LINGO1: variants seen among roughly 807,000 people sequenced by gnomAD.
LINGO1 encodes the protein leucine-rich repeat and immunoglobulin-like domain-containing nogo receptor-interacting protein 1.
A neutral mutation model predicts 37.3 loss-of-function variants in LINGO1; 11 were observed. The ratio of observed to expected loss-of-function variants is 0.29; its 90% CI spans 0.19 to 0.49. LINGO1 has a LOEUF of 0.49. Ranked by LOEUF, LINGO1 falls within the 20% of genes least tolerant of loss-of-function variation. LINGO1 has a pLI of 0.99. For synonymous variants in LINGO1, 387 were observed against 403.0 expected, an observed-to-expected ratio of 0.96 and a Z score of 0.48; for missense variants, 585 against 878.2, an observed-to-expected ratio of 0.67 and a Z score of 4.22.
intron 2 of LINGO1, among the ~76,000 whole-genome samples, chr15:77,704,900 C>T (rs996747812): frequency 6.6e-6 from 1 of 152,160 alleles, no homozygotes. Flanking sequence ...TAAATCCTGA[C>T]CCTGGTTGCA....
chr15:77,768,012 G>T (rs568966350), intron 1 of LINGO1, among the ~76,000 whole-genome samples: 65 of 152,352 alleles, frequency 4.3e-4, no homozygotes, highest in African/African-American at 1.5e-3. Context: ...TGCTCCAGAG[G>T]AGTAGCAAAT....
At chr15:77,661,986 C>T (rs57603227) in intron 3 of LINGO1, among the ~76,000 whole-genome samples, 1,758 of 152,334 alleles carry the variant, frequency 0.012, 35 homozygotes, top group African/African-American at 0.041. Flanking sequence ...CCCTGCCCGA[C>T]TCCCCTCAAC....
chr15:77,705,331 G>C (rs2075839050), intron 2 of LINGO1, among the ~76,000 whole-genome samples: 2 of 152,194 alleles, frequency 1.3e-5, no homozygotes, highest in Non-Finnish European at 2.9e-5. Context: ...AGATAGGAAG[G>C]TGGGATTCCT....
At chr15:77,687,002 G>C (rs562583623) in intron 2 of LINGO1, among the ~76,000 whole-genome samples, 1 of 152,170 alleles carries the variant, frequency 6.6e-6, no homozygotes, top group Non-Finnish European at 1.5e-5. Context: ...TGGACAAACA[G>C]GGCCATTTAC....
At chr15:77,684,955 G>A (rs1323546903) in intron 2 of LINGO1, among the ~76,000 whole-genome samples, 2 of 152,058 alleles carry the variant, frequency 1.3e-5, no homozygotes, top group Non-Finnish European at 2.9e-5. Context: ...TTCTGACTGG[G>A]TGAGTGCGCA....
intron 3 of LINGO1, among the ~76,000 whole-genome samples, chr15:77,673,444 A>ACTT (rs200169507): frequency 3.0e-5 from 3 of 101,336 alleles, no homozygotes; most frequent in African/African-American, 1.3e-4. Context: ...GTCACCTGTG[A>ACTT]CCTCGTTACC....
At chr15:77,645,371 C>G (rs1015116242) in intron 3 of LINGO1, among the ~76,000 whole-genome samples, 12 of 152,230 alleles carry the variant, frequency 7.9e-5, no homozygotes, top group Admixed American at 2.6e-4. Context: ...CTGAGGCCCA[C>G]TCTTTATCAC....
chr15:77,814,591 T>C (rs1596255358), intron 1 of LINGO1, among the ~76,000 whole-genome samples: 1 of 152,330 alleles, frequency 6.6e-6, no homozygotes, highest in Admixed American at 6.5e-5. Flanking sequence ...TAGTGGCTGC[T>C]TTACATGCAT....
intron 3 of LINGO1, among the ~76,000 whole-genome samples, chr15:77,666,681 G>GT (rs2075138019): frequency 6.6e-6 from 1 of 152,186 alleles, no homozygotes; most frequent in South Asian, 2.1e-4. Flanking sequence ...TTGCATCTCA[G>GT]TTTTCCTTCT....
Position 77,744,727 on chromosome 15 carries a change from A to G in LINGO1, c.-256-9674T>C, listed in dbSNP as rs544003432. 1.8e-4 allele frequency among the ~76,000 whole-genome samples: 27 copies of G among 152,322 alleles called. No individual in the cohort carries two copies. In the South Asian group the frequency reaches 4.3e-3, roughly 25 times the overall value. ...ACAGAGAGGTCTAGTGCTTTGCCCA[A>G]GGTCATGCACATAGAGCTACTGAGT... On this transcript the variant is annotated intron_variant, in intron 1 of 3. Coordinates refer to the LINGO1 transcript ENST00000561686.
intron 3 of LINGO1, chr15:77,649,353 C>G (rs1164683584): frequency 6.6e-6 from 1 of 152,186 alleles, no homozygotes; most frequent in Admixed American, 6.5e-5. Flanking sequence ...ATGAAAGATA[C>G]GTCTGGCTGA....
intron 1 of LINGO1, among the ~76,000 whole-genome samples, chr15:77,770,354 G>A (rs2076571715): frequency 6.6e-6 from 1 of 152,102 alleles, no homozygotes; most frequent in Non-Finnish European, 1.5e-5. Context: ...TTGGGAGGCC[G>A]AAGCAGGCAG....
chr15:77,671,590 G>A (rs557497552), intron 3 of LINGO1, among the ~76,000 whole-genome samples: 29 of 152,302 alleles, frequency 1.9e-4, no homozygotes, highest in Middle Eastern at 3.4e-3. Context: ...TTAGACCAGC[G>A]GTCCGGTCTC....
At chr15:77,771,243 A>C (rs11629474) in intron 1 of LINGO1, among the ~76,000 whole-genome samples, 30,154 of 152,172 alleles carry the variant, frequency 0.2, 3,675 homozygotes, top group Admixed American at 0.35. Context: ...ACTTTTGAGC[A>C]CTGACTACAC....
At chr15:77,658,891 A>G (rs1287830334) in intron 3 of LINGO1, among the ~76,000 whole-genome samples, 3 of 152,260 alleles carry the variant, frequency 2.0e-5, no homozygotes, top group Admixed American at 2.0e-4. Context: ...GGCAGATCAC[A>G]AAGGGCCCGT....
intron 3 of LINGO1, among the ~76,000 whole-genome samples, chr15:77,667,267 A>G (rs1421158590): frequency 6.6e-6 from 1 of 152,184 alleles, no homozygotes; most frequent in Non-Finnish European, 1.5e-5. Flanking sequence ...AGCAGAGCAT[A>G]GGGCTGAGGA....
chr15:77,783,594 G>A (rs951351710), intron 1 of LINGO1, among the ~76,000 whole-genome samples: 2 of 152,180 alleles, frequency 1.3e-5, no homozygotes, highest in African/African-American at 2.4e-5. Context: ...CTCTGAGCCC[G>A]GTTTCTTCGT....
At chr15:77,713,259 G>GTGTGTGTTT in intron 2 of LINGO1, among the ~76,000 whole-genome samples, 1 of 92,192 alleles carries the variant, frequency 1.1e-5, no homozygotes, top group African/African-American at 4.2e-5. Flanking sequence ...TGTGTGTGTT[G>GTGTGTGTTT]TAGAGACAGG....
chr15:77,818,082 T>C (rs996577503), intron 1 of LINGO1, among the ~76,000 whole-genome samples: 4 of 152,206 alleles, frequency 2.6e-5, no homozygotes, highest in African/African-American at 4.8e-5. Flanking sequence ...AGAAGGCATA[T>C]GGATGGGGGC....
Sources: allele counts gnomAD v4.1 joint callset (sites outside exome capture counted in the v4.1 genomes callset), GRCh38; gene constraint gnomAD v4.1.1; transcripts MANE v1.5; gene names NCBI Gene and HGNC (gene_info 2026-07-23, HGNC 2026-07-21).